The following MYO1E variants were observed in gnomAD, a reference collection of about 807,000 sequenced individuals.
The protein encoded by MYO1E is unconventional myosin-Ie.
In MYO1E, 68 loss-of-function variants were observed where a neutral mutation model predicts 151.1. The observed-to-expected ratio is 0.45, with a 90% confidence interval of 0.37 to 0.55. The LOEUF (loss-of-function observed/expected upper bound fraction) is 0.55. Among genes scored for constraint, MYO1E ranks in the 20% least tolerant of loss-of-function variants. The pLI, the probability that MYO1E is intolerant of heterozygous loss-of-function variation, is 0.00. For missense variants in MYO1E, 1,363 were observed against 1,389.3 expected (o/e 0.98, Z 0.30); for synonymous variants, 601 against 501.7 (o/e 1.20, Z -2.64).
At chr15:59,364,951 T>C (rs2080904913) in intron 1 of MYO1E, among the ~76,000 whole-genome samples, 1 of 151,730 alleles carries the variant, frequency 6.6e-6, no homozygotes, top group African/African-American at 2.4e-5. Context: ...TTGAACAGAC[T>C]GAAAGGAAAC....
At chr15:59,272,671 A>C (rs1416193946) in intron 1 of MYO1E, among the ~76,000 whole-genome samples, 5 of 152,202 alleles carry the variant, frequency 3.3e-5, no homozygotes, top group African/African-American at 1.2e-4. Flanking sequence ...TGTGTCCCTG[A>C]AGTGACACAA....
chr15:59,144,876 T>C (rs2079432255), intron 26 of MYO1E, among the ~76,000 whole-genome samples: 1 of 151,808 alleles, frequency 6.6e-6, no homozygotes, highest in African/African-American at 2.4e-5. Context: ...GGAGTTTCAC[T>C]CTTGTTGCCC....
intron 19 of MYO1E, 147 bp from the exon 20 acceptor site, chr15:59,174,387 G>A (rs920932032): frequency 2.3e-5 from 16 of 682,858 alleles, no homozygotes; most frequent in South Asian, 2.2e-4. Context: ...TATGTGAAAC[G>A]CTTACTGTGG....
Position 59,207,563 on chromosome 15 carries a change from T to C in MYO1E, c.1530+1118A>G, listed in dbSNP as rs1250735393. ...AGTGCATTTCCCAAAAACCGTATTA[T>C]TGGAAGCGGCTGTAATCTGGATACT... On this transcript the variant is annotated intron_variant, in intron 14 of 27. Coordinates refer to ENST00000288235, the MANE Select transcript of MYO1E (RefSeq NM_004998.4). 7 of 1,614,012 alleles carry C rather than the reference T, an allele frequency of 4.3e-6. No individual in the cohort carries two copies. The highest frequency in any genetic ancestry group is 1.3e-5 in the African/African-American group (1 of 74,924).
intron 1 of MYO1E, among the ~76,000 whole-genome samples, chr15:59,366,409 C>T (rs34432331): frequency 0.03 from 4,632 of 152,202 alleles, 90 homozygotes; most frequent in South Asian, 0.056. Flanking sequence ...CCACCTCAGC[C>T]TCCCAAGTAG....
At chr15:59,146,881 A>G (rs2079444627) in intron 26 of MYO1E, among the ~76,000 whole-genome samples, 1 of 152,114 alleles carries the variant, frequency 6.6e-6, no homozygotes, top group Non-Finnish European at 1.5e-5. Context: ...TTATGTGTCT[A>G]TTACCAATTA....
intron 1 of MYO1E, among the ~76,000 whole-genome samples, chr15:59,304,387 T>G (rs1471166024): frequency 2.0e-5 from 3 of 152,240 alleles, no homozygotes; most frequent in Non-Finnish European, 4.4e-5. Context: ...TTCAGTTGGC[T>G]TCTTTCCATC....
intron 17 of MYO1E, among the ~76,000 whole-genome samples, chr15:59,193,529 A>G (rs757898214): frequency 4.6e-4 from 70 of 152,338 alleles, no homozygotes; most frequent in Non-Finnish European, 7.6e-4. Context: ...AAGGGCTAAG[A>G]TGGGGAATGC....
intron 18 of MYO1E, among the ~76,000 whole-genome samples, chr15:59,182,913 G>A (rs139854395): frequency 6.6e-6 from 1 of 152,196 alleles, no homozygotes; most frequent in Non-Finnish European, 1.5e-5. Context: ...GGATGAAACT[G>A]TTCCACCTCA....
chr15:59,160,336 C>CGCGT (rs1555407721), intron 24 of MYO1E, among the ~76,000 whole-genome samples: 5 of 120,154 alleles, frequency 4.2e-5, no homozygotes, highest in South Asian at 3.2e-4. Context: ...TGAGGTAGTG[C>CGCGT]GTGTGTGTGT....
At chr15:59,232,777 G>C (rs554068264) in intron 5 of MYO1E, among the ~76,000 whole-genome samples, 5 of 152,310 alleles carry the variant, frequency 3.3e-5, no homozygotes, top group African/African-American at 1.2e-4. Context: ...CTGGCTACTA[G>C]GTCGTAGGGG....
chr15:59,271,445 C>T (rs2080288554), intron 2 of MYO1E, among the ~76,000 whole-genome samples: 1 of 152,234 alleles, frequency 6.6e-6, no homozygotes, highest in African/African-American at 2.4e-5. Context: ...AGATTTGACA[C>T]AGAGTTTTGC....
chr15:59,279,445 G>T (rs549615322), intron 1 of MYO1E, among the ~76,000 whole-genome samples: 37 of 152,334 alleles, frequency 2.4e-4, no homozygotes, highest in Non-Finnish European at 5.1e-4. Context: ...CTGCTAGGTT[G>T]CATCTGTGAC....
chr15:59,196,686 T>C (rs1341982743), intron 16 of MYO1E, among the ~76,000 whole-genome samples: 2 of 152,202 alleles, frequency 1.3e-5, no homozygotes, highest in Admixed American at 1.3e-4. Context: ...AATTAAGTTC[T>C]CTGTTTAGAT....
chr15:59,224,859 G>T, intron 7 of MYO1E, 36 bp from the exon 8 acceptor site: 1 of 1,613,892 alleles, frequency 6.2e-7, no homozygotes, highest in South Asian at 1.1e-5. Context: ...CCATGATGTG[G>T]ACCACAAGGC....
intron 1 of MYO1E, among the ~76,000 whole-genome samples, chr15:59,317,237 C>G (rs1203411966): frequency 1.3e-5 from 2 of 152,210 alleles, no homozygotes; most frequent in African/African-American, 4.8e-5. Flanking sequence ...ATAGAGCTTA[C>G]AGTCCAATAA....
At chr15:59,351,598 A>G (rs2080823587) in intron 1 of MYO1E, among the ~76,000 whole-genome samples, 1 of 152,178 alleles carries the variant, frequency 6.6e-6, no homozygotes, top group South Asian at 2.1e-4. Context: ...CGCTGATGCT[A>G]TTTCTGTGAA....
At chr15:59,236,469 C>T in intron 5 of MYO1E, 116 bp downstream of exon 5, 1 of 798,758 alleles carries the variant, frequency 1.3e-6, no homozygotes, top group Non-Finnish European at 2.1e-6. Context: ...TCAAGTTTCA[C>T]AGTTATAGAA....
intron 26 of MYO1E, among the ~76,000 whole-genome samples, chr15:59,141,980 G>A (rs1340696960): frequency 2.0e-5 from 3 of 151,454 alleles, no homozygotes; most frequent in Non-Finnish European, 2.9e-5. Flanking sequence ...GGTGGCGGGC[G>A]CTTGTAGTCC....
Sources: allele counts gnomAD v4.1 joint callset (sites outside exome capture counted in the v4.1 genomes callset), GRCh38; gene constraint gnomAD v4.1.1; transcripts MANE v1.5; gene names NCBI Gene and HGNC (gene_info 2026-07-23, HGNC 2026-07-21).